The following IMMP2L variants were observed in gnomAD, a reference collection of about 807,000 sequenced individuals.
IMMP2L encodes the protein inner mitochondrial membrane peptidase subunit 2.
Under a neutral mutation model 19.3 loss-of-function variants are expected in IMMP2L, and 18 were observed. The observed-to-expected ratio is 0.93, with a 90% CI of 0.64 to 1.38. The LOEUF (loss-of-function observed/expected upper bound fraction) is 1.38, where lower values mean the gene tolerates loss of function less well. Ranked by LOEUF, IMMP2L falls within the 40% of genes most tolerant of loss-of-function variation. The probability of loss-of-function intolerance (pLI) is 0.00; values close to 1 mark genes in which losing one functional copy is unlikely to be tolerated. For missense variants in IMMP2L, 233 were observed against 218.2 expected (o/e 1.07, Z -0.43); for synonymous variants, 76 against 73.0 (o/e 1.04, Z -0.21).
chr7:111,537,961 C>A (rs1208787893), intron 1 of IMMP2L, among the ~76,000 whole-genome samples: 2 of 152,024 alleles, frequency 1.3e-5, no homozygotes, highest in Admixed American at 6.6e-5. Flanking sequence ...ACTCTTCCCA[C>A]CTTTCTTTGT....
chr7:111,034,194 G>A (rs1021018690), intron 3 of IMMP2L, among the ~76,000 whole-genome samples: 1 of 151,978 alleles, frequency 6.6e-6, no homozygotes, highest in Non-Finnish European at 1.5e-5. Flanking sequence ...CAGCAATCAC[G>A]TATTCAATTC....
At chr7:110,681,664 A>C (rs1360273995) in intron 5 of IMMP2L, among the ~76,000 whole-genome samples, 1 of 152,202 alleles carries the variant, frequency 6.6e-6, no homozygotes, top group African/African-American at 2.4e-5. Context: ...AGCACACTGC[A>C]AGGTGTTCTA....
chr7:111,280,894 CCT>C (rs1819622841), intron 3 of IMMP2L, among the ~76,000 whole-genome samples: 1 of 151,738 alleles, frequency 6.6e-6, no homozygotes, highest in African/African-American at 2.4e-5. Context: ...ACGGTGAAAC[CCT>C]GTCTCTACTA....
intron 3 of IMMP2L, among the ~76,000 whole-genome samples, chr7:111,428,121 CT>C (rs980372571): frequency 3.3e-5 from 5 of 151,774 alleles, no homozygotes; most frequent in East Asian, 1.9e-4. Flanking sequence ...CTTTATGTTC[CT>C]TTTTTTAGAA....
chr7:111,557,942 A>C (rs1264340621), intron 1 of IMMP2L, among the ~76,000 whole-genome samples: 1 of 152,134 alleles, frequency 6.6e-6, no homozygotes, highest in Non-Finnish European at 1.5e-5. Flanking sequence ...AAGAACGTAC[A>C]GACATCTTTA....
chr7:110,886,823 T>C, intron 4 of IMMP2L, 128 bp from the exon 5 acceptor site: 2 of 488,658 alleles, frequency 4.1e-6, no homozygotes, highest in Non-Finnish European at 7.5e-6. Flanking sequence ...AGCTTCTCCA[T>C]AATTTCATTT....
chr7:111,041,616 G>C (rs1354001488), intron 3 of IMMP2L, among the ~76,000 whole-genome samples: 2 of 151,268 alleles, frequency 1.3e-5, no homozygotes, highest in African/African-American at 4.9e-5. Flanking sequence ...TTTGTCACCA[G>C]TCACTTAAGT....
chr7:111,494,930 T>G (rs1843450278), intron 2 of IMMP2L, among the ~76,000 whole-genome samples: 1 of 152,150 alleles, frequency 6.6e-6, no homozygotes, highest in Non-Finnish European at 1.5e-5. Flanking sequence ...ATTCTACCCC[T>G]CATTTCTAAA....
At chr7:111,363,913 T>C (rs1829499612) in intron 3 of IMMP2L, among the ~76,000 whole-genome samples, 1 of 151,998 alleles carries the variant, frequency 6.6e-6, no homozygotes, top group African/African-American at 2.4e-5. Context: ...AGAATATCCA[T>C]TCCCTATTTA....
chr7:110,674,356 T>G (rs905776614), intron 5 of IMMP2L, among the ~76,000 whole-genome samples: 3 of 152,092 alleles, frequency 2.0e-5, no homozygotes, highest in Admixed American at 2.0e-4. Context: ...TAATTCAAGA[T>G]ATGATTTGGG....
chr7:111,171,498 C>T (rs989488802), intron 3 of IMMP2L, among the ~76,000 whole-genome samples: 1 of 151,526 alleles, frequency 6.6e-6, no homozygotes, highest in Non-Finnish European at 1.5e-5. Context: ...TAATATAAAT[C>T]ATTTAAAGCT....
intron 3 of IMMP2L, among the ~76,000 whole-genome samples, chr7:111,435,041 T>C (rs191152060): frequency 2.6e-5 from 4 of 151,942 alleles, no homozygotes; most frequent in African/African-American, 9.7e-5. Flanking sequence ...ACAATAGATG[T>C]TGGCAAGGAT....
At chr7:110,781,682 T>C (rs1308341603) in intron 5 of IMMP2L, among the ~76,000 whole-genome samples, 1 of 151,870 alleles carries the variant, frequency 6.6e-6, no homozygotes, top group African/African-American at 2.4e-5. Context: ...CCTGACAATA[T>C]GTTATGAATT....
intron 5 of IMMP2L, among the ~76,000 whole-genome samples, chr7:110,827,331 C>A (rs1307323883): frequency 1.3e-5 from 2 of 152,106 alleles, no homozygotes; most frequent in African/African-American, 4.8e-5. Flanking sequence ...AAGCACACTG[C>A]TTAGGAGACT....
At chr7:111,279,704 C>A (rs1353519752) in intron 3 of IMMP2L, among the ~76,000 whole-genome samples, 2 of 152,056 alleles carry the variant, frequency 1.3e-5, no homozygotes, top group Non-Finnish European at 2.9e-5. Flanking sequence ...CTTTTAATTA[C>A]TATATTATAA....
At chr7:110,681,290 G>A (rs1792697083) in intron 5 of IMMP2L, among the ~76,000 whole-genome samples, 1 of 152,202 alleles carries the variant, frequency 6.6e-6, no homozygotes, top group South Asian at 2.1e-4. Context: ...ACCGATCAGT[G>A]AAATGAGGTA....
intron 5 of IMMP2L, among the ~76,000 whole-genome samples, chr7:110,821,079 C>T (rs552142650): frequency 1.3e-5 from 2 of 151,668 alleles, no homozygotes; most frequent in African/African-American, 4.8e-5. Context: ...TTTAACTCTT[C>T]CCAAGAGGTA....
At chr7:111,485,212 C>T (rs771717135) in intron 3 of IMMP2L, among the ~76,000 whole-genome samples, 5 of 152,256 alleles carry the variant, frequency 3.3e-5, no homozygotes, top group Non-Finnish European at 4.4e-5. Flanking sequence ...TAACTAAGCA[C>T]TCTTTTATGT....
intron 3 of IMMP2L, among the ~76,000 whole-genome samples, chr7:111,100,873 G>T (rs1797898116): frequency 6.6e-6 from 1 of 151,546 alleles, no homozygotes; most frequent in African/African-American, 2.4e-5. Context: ...TGAACAAGTA[G>T]AACAATGTTT....
Sources: gnomAD v4.1 joint callset for allele counts (sites outside exome capture counted in the v4.1 genomes callset) on GRCh38, gnomAD v4.1.1 for gene constraint, MANE v1.5 for transcripts, NCBI Gene and HGNC (gene_info 2026-07-23, HGNC 2026-07-21) for gene names.